Variants in AGT observed in about 807,000 individuals in gnomAD.
AGT encodes alpha-1 antiproteinase, antitrypsin.
A neutral mutation model predicts 28.1 loss-of-function variants in AGT; 26 were observed. That is an observed-to-expected ratio of 0.92 (90% CI 0.68 to 1.28). The LOEUF (loss-of-function observed/expected upper bound fraction) is 1.28, where lower values mean the gene tolerates loss of function less well. Ranked by LOEUF, AGT falls within the 50% of genes most tolerant of loss-of-function variation. The probability of loss-of-function intolerance (pLI) is 0.00; values close to 1 mark genes in which losing one functional copy is unlikely to be tolerated. For missense variants in AGT, 596 were observed against 592.3 expected (o/e 1.01, Z -0.06); for synonymous variants, 259 against 259.6 (o/e 1.00, Z 0.02).
chr1:230,735,268 C>T (rs1301216380), intron 1 of AGT, among the ~76,000 whole-genome samples: 1 of 152,132 alleles, frequency 6.6e-6, no homozygotes, highest in East Asian at 1.9e-4. Flanking sequence ...GAGAAGGGGG[C>T]ACAGTGCTGT....
chr1:230,744,809 T>C (rs1378918293), intron 1 of AGT, among the ~76,000 whole-genome samples: 1 of 152,218 alleles, frequency 6.6e-6, no homozygotes, highest in Non-Finnish European at 1.5e-5. Context: ...GGTCTGGTGC[T>C]GAGCAAACCC....
At chr1:230,717,938 C>T (rs1484654002), upstream of AGT, among the ~76,000 whole-genome samples, 1 of 152,122 alleles carries the variant, frequency 6.6e-6, no homozygotes, top group Non-Finnish European at 1.5e-5. Flanking sequence ...TGAGCTCCCC[C>T]ATTTCACCCA....
chr1:230,705,201 G>T (rs572990764), intron 3 of AGT, among the ~76,000 whole-genome samples: 136 of 152,136 alleles, frequency 8.9e-4, no homozygotes, highest in African/African-American at 3.0e-3. Flanking sequence ...AGTGTGAATG[G>T]GCCTAGTACC....
chr1:230,722,799 G>A (rs886903891), intron 1 of AGT, among the ~76,000 whole-genome samples: 1 of 152,198 alleles, frequency 6.6e-6, no homozygotes, highest in African/African-American at 2.4e-5. Flanking sequence ...AGGCTCCTAG[G>A]CAGAAGGGTC....
At chr1:230,736,371 A>AAATT (rs1558295863) in intron 1 of AGT, among the ~76,000 whole-genome samples, 1 of 151,780 alleles carries the variant, frequency 6.6e-6, no homozygotes, top group East Asian at 1.9e-4. Context: ...AAAATACAAA[A>AAATT]AGCCGGGCAT....
intron 1 of AGT, among the ~76,000 whole-genome samples, chr1:230,711,811 A>C (rs1663599296): frequency 9.4e-6 from 1 of 106,698 alleles, no homozygotes; most frequent in African/African-American, 5.3e-5. Context: ...TGCTGGGACC[A>C]CGTATAAAAA....
Position 230,710,474 on chromosome 1 carries a change from C to A in AGT, c.350G>T (p.Gly117Val). 1.2e-6 allele frequency: 2 copies of A among 1,614,216 alleles called. No homozygotes were observed. The highest frequency in any genetic ancestry group is 8.5e-7 in the Non-Finnish European group (1 of 1,180,038). The change falls in exon 2 of 5, where the codon GGC (glycine) becomes GTC (valine). Residue 117 changes from glycine to valine, a missense_variant. Gly to Val is a moderately radical substitution (Grantham distance 109). Coordinates refer to ENST00000366667, the MANE Select transcript of AGT (RefSeq NM_001384479.1). The part of the protein sequence containing the change: ...RIYGMHSELW[G>V]VVHGATVLSP... Reference sequence around the variant, plus strand: ...GAGGACGGTGGCCCCATGGACCACGCCCCATAGCTCACTGTGCATGCCATA... The same window carrying A: ...GAGGACGGTGGCCCCATGGACCACGACCCATAGCTCACTGTGCATGCCATA...
chr1:230,707,591 C>A (rs1437252347), intron 2 of AGT, among the ~76,000 whole-genome samples: 1 of 152,152 alleles, frequency 6.6e-6, no homozygotes, highest in Non-Finnish European at 1.5e-5. Flanking sequence ...CACTCAGTCT[C>A]GGAAGGGCAT....
chr1:230,729,061 G>A (rs1347016713), intron 1 of AGT, among the ~76,000 whole-genome samples: 1 of 152,186 alleles, frequency 6.6e-6, no homozygotes, highest in Non-Finnish European at 1.5e-5. Flanking sequence ...ACTCAGTCAG[G>A]CTAACAGCAA....
intron 1 of AGT, among the ~76,000 whole-genome samples, chr1:230,731,673 C>A (rs540074916): frequency 6.6e-6 from 1 of 152,172 alleles, no homozygotes; most frequent in Non-Finnish European, 1.5e-5. Context: ...CAAGACCAGT[C>A]TGGCCAACAT....
At chr1:230,731,878 T>C (rs530128391) in intron 1 of AGT, among the ~76,000 whole-genome samples, 321 of 151,668 alleles carry the variant, frequency 2.1e-3, no homozygotes, top group Non-Finnish European at 3.5e-3. Flanking sequence ...AAAAAAATAA[T>C]AACAACAACA....
intron 1 of AGT, among the ~76,000 whole-genome samples, chr1:230,725,365 C>A (rs942341406): frequency 6.6e-6 from 1 of 152,092 alleles, no homozygotes; most frequent in African/African-American, 2.4e-5. Flanking sequence ...GAGGGAAGGA[C>A]CATGAAAGTA....
intron 3 of AGT, 144 bp from the exon 4 acceptor site, chr1:230,704,481 C>T: frequency 8.8e-7 from 1 of 1,137,726 alleles, no homozygotes; most frequent in South Asian, 1.4e-5. Context: ...TCATCCTCCC[C>T]CTTGGGGAAA....
At chr1:230,735,024 G>C (rs1042012737) in intron 1 of AGT, among the ~76,000 whole-genome samples, 1 of 152,114 alleles carries the variant, frequency 6.6e-6, no homozygotes, top group Non-Finnish European at 1.5e-5. Context: ...ATAACTGGCT[G>C]TGTTTATCCC....
chr1:230,744,287 C>A (rs988672374), intron 1 of AGT, among the ~76,000 whole-genome samples: 3 of 152,176 alleles, frequency 2.0e-5, no homozygotes, highest in Admixed American at 2.0e-4. Flanking sequence ...CCCAAGAATG[C>A]CATCTGCTTT....
intron 1 of AGT, among the ~76,000 whole-genome samples, chr1:230,739,260 C>A (rs1664203257): frequency 6.7e-6 from 1 of 150,306 alleles, no homozygotes; most frequent in African/African-American, 2.5e-5. Context: ...GAGGCTGAGG[C>A]AGAAGGATGG....
chr1:230,741,780 T>G (rs1664252667), intron 1 of AGT, among the ~76,000 whole-genome samples: 1 of 152,006 alleles, frequency 6.6e-6, no homozygotes, highest in South Asian at 2.1e-4. Context: ...ACAGATAAGC[T>G]CCTTTGCAAA....
intron 1 of AGT, among the ~76,000 whole-genome samples, chr1:230,739,928 G>T (rs1402884668): frequency 6.6e-6 from 1 of 152,182 alleles, no homozygotes; most frequent in Non-Finnish European, 1.5e-5. Context: ...TCTATAGATC[G>T]AAAGCAAGTT....
chr1:230,734,797 C>T (rs1278219122), intron 1 of AGT, among the ~76,000 whole-genome samples: 12 of 152,076 alleles, frequency 7.9e-5, no homozygotes, highest in Non-Finnish European at 1.5e-5. Context: ...GCAAGCTCCA[C>T]CTCCCGGGTT....
Sources: gnomAD v4.1 joint callset for allele counts (sites outside exome capture counted in the v4.1 genomes callset) on GRCh38, gnomAD v4.1.1 for gene constraint, MANE v1.5 for transcripts, NCBI Gene and HGNC (gene_info 2026-07-23, HGNC 2026-07-21) for gene names.